The following RNF213 variants were observed in gnomAD, a reference collection of about 807,000 sequenced individuals.
RNF213 encodes ring finger protein 213, also known as E3 ubiquitin-protein ligase RNF213.
RNF213 carries 341 observed loss-of-function variants against 514.4 expected under a neutral mutation model. The ratio of observed to expected loss-of-function variants is 0.66; its 90% CI spans 0.61 to 0.73. RNF213 has a LOEUF of 0.73. RNF213 is among the 30% of genes least tolerant of loss of function. The probability of loss-of-function intolerance (pLI) is 0.00; values close to 1 mark genes in which losing one functional copy is unlikely to be tolerated. For missense variants in RNF213, 5,767 were observed against 6,615.6 expected, an observed-to-expected ratio of 0.87 and a Z score of 4.45; for synonymous variants, 2,655 against 2,658.2, an observed-to-expected ratio of 1.00 and a Z score of 0.04.
In RNF213 at chr17:80,287,931, G is replaced by A. The variant is rs17853714; in HGVS notation, c.378G>A (p.Pro126=). Reference sequence around the variant, plus strand: ...GTCACCTGACTTTGCTTTCAAACCCGTGGCCTCAGGACACAGCCCTGCCCC... The same window carrying A: ...GTCACCTGACTTTGCTTTCAAACCCATGGCCTCAGGACACAGCCCTGCCCC... ...SPCHLTLLSN[P]WPQDTALPHS... is the part of the protein sequence containing the mutation. Residue 126 remains proline, a synonymous_variant, in exon 4 of 68, where the codon CCG becomes CCA. Transcript: ENST00000582970. The A allele has an allele frequency of 0.18, 287,138 of 1,569,642 alleles. 27,566 individuals carry two copies. Among genetic ancestry groups the A allele is most frequent in the Non-Finnish European group, 0.2 (234,385 of 1,157,286 alleles).
At position 80,288,267 on chromosome 17, in the gene RNF213, C is replaced by T. The variant is rs1447153262; in HGVS notation, c.714C>T (p.Ala238=). ...GEGHSRTEDA[A]QELLLPESKG... ...GCCATTCTAGGACTGAAGATGCTGC[C>T]CAGGAGCTCCTGTTGCCTGAGTCAA... Residue 238 remains alanine (A), a synonymous_variant, in exon 4 of 68, where the codon GCC becomes GCT. Coordinates refer to ENST00000582970, the MANE Select transcript of RNF213 (RefSeq NM_001256071.3). The surrounding 1 kb of genome is among the most constrained non-coding windows in gnomAD (Gnocchi z 4.9). The T allele has an allele frequency of 7.4e-6, 12 of 1,613,266 alleles. No homozygotes were observed. In the East Asian group the frequency reaches 2.2e-4, roughly 30 times the overall value.
intron 3 of RNF213, chr17:80,278,735 C>T: frequency 1.3e-6 from 2 of 1,536,876 alleles, no homozygotes; most frequent in Non-Finnish European, 1.7e-6. Context: ...ACAGCCCTGC[C>T]CTGTCTGAAG....
At chr17:80,292,987 C>T (rs1266966625) in intron 8 of RNF213, among the ~76,000 whole-genome samples, 2 of 152,222 alleles carry the variant, frequency 1.3e-5, no homozygotes, top group Admixed American at 1.3e-4. Context: ...GTCCCTGTCA[C>T]TCCACCTTGG....
Position 80,353,378 on chromosome 17 carries a change from G to A in RNF213, c.10424-134G>A. ...CTTCATGACCGTGATCTCTCATCTG[G>A]GGACCTAGCACCACAGCAGGGGCCG... is the stretch of plus-strand genomic sequence containing the variant. On this transcript the variant is annotated intron_variant, in intron 33 of 67. Transcript: ENST00000582970. The surrounding 1 kb of genome is among the most constrained non-coding windows in gnomAD (Gnocchi z 5.0). The A allele has an allele frequency of 2.9e-6, 3 of 1,029,182 alleles. No homozygotes were observed. Among genetic ancestry groups the A allele is most frequent in the Non-Finnish European group, 4.4e-6 (3 of 679,926 alleles). The allele number at this position is 1,029,182 out of a possible 1,614,324, so 63.8% of individuals were successfully genotyped here.
chr17:80,332,128 A>C lies in RNF213; in HGVS notation c.3640A>C (p.Ser1214Arg). The C allele has an allele frequency of 6.5e-7, 1 of 1,537,170 alleles. No homozygotes were observed. The highest frequency in any genetic ancestry group is 8.7e-7 in the Non-Finnish European group (1 of 1,146,910). The change falls in exon 21 of 68, where the codon AGC becomes CGC. Residue 1214 changes from serine (S) to arginine (R), a missense_variant. By Grantham distance (110) the Ser-to-Arg change is moderately radical (BLOSUM62 -1). Around this residue, in one of 13 missense-constraint regions of RNF213, gnomAD observed 516 missense variants for 566.5 expected, o/e 0.91. Coordinates refer to ENST00000582970, the MANE Select transcript of RNF213 (RefSeq NM_001256071.3). ...GCAGAGGGCAACGCATTACCACCTG[A>C]GCTCCCAGGTCCAAGAAATGGCTGG... ...NSQRATHYHL[S>R]SQVQEMAGKI... is the part of the protein sequence containing the mutation.
chr17:80,367,792 G>A lies in RNF213; in HGVS notation c.11916G>A (p.Glu3972=), dbSNP rs1165140365. 6.2e-7 allele frequency: 1 copy of A among 1,614,238 alleles called. No homozygotes were observed. Among genetic ancestry groups the A allele is most frequent in the Non-Finnish European group, 8.5e-7 (1 of 1,180,034 alleles). The change falls in exon 43 of 68, where the codon GAG becomes GAA. Residue 3972 remains glutamate, a synonymous_variant. Transcript: ENST00000582970. ...NSDVKTHGPF[E]AVMRTLCECK... ...ACGTGAAGACGCACGGGCCTTTTGA[G>A]GCCGTGATGCGCACTCTCTGTGAAT...
chr17:80,352,872 C>T, intron 32 of RNF213, 68 bp from the exon 33 acceptor site: 2 of 1,610,638 alleles, frequency 1.2e-6, no homozygotes, highest in East Asian at 2.2e-5. Context: ...GTGCAATGTC[C>T]CTGCTTAGGG....
chr17:80,372,963 T>C lies in RNF213; in HGVS notation c.12752-12T>C, dbSNP rs1450344138. On this transcript the variant is annotated splice_polypyrimidine_tract_variant and intron_variant, in intron 48 of 67. Coordinates refer to ENST00000582970, the MANE Select transcript of RNF213 (RefSeq NM_001256071.3). ...CACCAGCCACTCACCCGCTTTCTCG[T>C]TGGCCTCTCAGAGATGGCCAAGGAG... The C allele has an allele frequency of 1.9e-6, 3 of 1,612,554 alleles. No homozygotes were observed. Among genetic ancestry groups the C allele is most frequent in the East Asian group, 2.2e-5 (1 of 44,816 alleles).
At chr17:80,281,601 C>T (rs1167377191) in intron 3 of RNF213, among the ~76,000 whole-genome samples, 1 of 139,418 alleles carries the variant, frequency 7.2e-6, no homozygotes, top group South Asian at 2.4e-4. Context: ...CCAACACACA[C>T]AGCCAACTCA....
At chr17:80,368,872 G>A (rs2079390250) in intron 44 of RNF213, among the ~76,000 whole-genome samples, 1 of 152,216 alleles carries the variant, frequency 6.6e-6, no homozygotes, top group South Asian at 2.1e-4. Context: ...GGCTCTGTGA[G>A]TGGTTGGTTT....
chr17:80,394,262 T>C lies in RNF213; in HGVS notation c.*764T>C, dbSNP rs575861755. Reference sequence around the variant, plus strand: ...GACATTTTGAAATTGTGAGAGAAACTAGATGACTGTAAACTTGGTCACAGG... The same window carrying C: ...GACATTTTGAAATTGTGAGAGAAACCAGATGACTGTAAACTTGGTCACAGG... On this transcript the variant is annotated 3_prime_UTR_variant, in exon 68 of 68. Transcript: ENST00000582970. The C allele has an allele frequency of 3.3e-5, 5 of 152,414 alleles. No homozygotes were observed. In the South Asian group the frequency reaches 1.0e-3, roughly 32 times the overall value. 9.4% of individuals were successfully genotyped at this position (152,414 alleles called of 1,614,324 possible). A position where few individuals can be genotyped will look rare whatever the true frequency, so the allele number is the denominator to read the frequency against.
chr17:80,281,322 C>A (rs2044261947), intron 3 of RNF213, among the ~76,000 whole-genome samples: 1 of 80,838 alleles, frequency 1.2e-5, no homozygotes, highest in East Asian at 4.7e-4. Flanking sequence ...CCCACTCACA[C>A]CACTCACACA....
At position 80,294,983 on chromosome 17, in the gene RNF213, T is replaced by C. The variant is rs768361501; in HGVS notation, c.1735T>C (p.Leu579=). 1.9e-6 allele frequency: 3 copies of C among 1,614,030 alleles called. No individual in the cohort carries two copies. The highest frequency in any genetic ancestry group is 2.5e-6 in the Non-Finnish European group (3 of 1,180,034). ...YEGQAQLWTD[L]QYREKEVKRY... ...AGGACAGGCACAGCTGTGGACCGATTTGCAGTACAGGGAGAAAGAGGTATC... is the reference window on the plus strand; with the variant it reads ...AGGACAGGCACAGCTGTGGACCGATCTGCAGTACAGGGAGAAAGAGGTATC... Residue 579 remains leucine, a synonymous_variant, in exon 9 of 68, where the codon TTG becomes CTG. Coordinates refer to ENST00000582970, the MANE Select transcript of RNF213 (RefSeq NM_001256071.3).
rs146195097 is a variant in RNF213, at chr17:80,335,000, C to G, written c.4309+730C>G. Among the ~76,000 whole-genome samples, 681 of 151,570 alleles carry G rather than the reference C, an allele frequency of 4.5e-3. 5 individuals are homozygous for G. Among genetic ancestry groups the G allele is most frequent in the African/African-American group, 0.016 (650 of 41,266 alleles). The stretch of plus-strand genomic sequence containing the variant: ...GCAGTGGTGCAATCTCGGCTCACTG[C>G]AACCTCCACCTCCTGGATTCAAGCG... On this transcript the variant is annotated intron_variant, in intron 22 of 67. Coordinates refer to ENST00000582970, the MANE Select transcript of RNF213 (RefSeq NM_001256071.3).
intron 44 of RNF213, among the ~76,000 whole-genome samples, chr17:80,368,453 G>C (rs1261439172): frequency 6.9e-5 from 9 of 130,700 alleles, no homozygotes; most frequent in African/African-American, 2.6e-4. Flanking sequence ...TTTTTTTTGA[G>C]ACAGTGTTTC....
At chr17:80,325,340 A>G in intron 18 of RNF213, 142 bp downstream of exon 18, 1 of 819,616 alleles carries the variant, frequency 1.2e-6, no homozygotes, top group South Asian at 2.0e-5. Flanking sequence ...GTTTGGACAG[A>G]GAGACCCTGG....
intron 67 of RNF213, among the ~76,000 whole-genome samples, chr17:80,391,776 T>C (rs376492489): frequency 0.13 from 17,013 of 135,764 alleles, 1,111 homozygotes; most frequent in African/African-American, 0.25. Context: ...TTTTTTTTTT[T>C]TTTTTTTTTT....
chr17:80,336,207 G>A lies in RNF213; in HGVS notation c.4356G>A (p.Ala1452=), dbSNP rs1457553716. The change falls in exon 23 of 68, where the codon GCG becomes GCA. Residue 1452 remains alanine, a synonymous_variant. Coordinates refer to ENST00000582970, the MANE Select transcript of RNF213 (RefSeq NM_001256071.3). ...TTGTGGACCTGGCCTCCATCTCAGC[G>A]GGGGAGAATGACATTGATGTGGACC... ...KVFVDLASIS[A]GENDIDVDRV... is the part of the protein sequence containing the mutation. 1.1e-5 allele frequency: 17 copies of A among 1,537,120 alleles called. No homozygotes were observed. The East Asian group carries it at 1.7e-4, about 15-fold the overall frequency.
At chr17:80,265,381 A>G (rs1431160428) in intron 2 of RNF213, among the ~76,000 whole-genome samples, 1 of 152,212 alleles carries the variant, frequency 6.6e-6, no homozygotes, top group African/African-American at 2.4e-5. Flanking sequence ...TAGTGCGGAG[A>G]GCACTGGTAG....
Sources: gnomAD v4.1 joint callset for allele counts (sites outside exome capture counted in the v4.1 genomes callset) on GRCh38, gnomAD v4.1.1 for gene constraint, gnomAD v4.1.1 regional missense constraint, Gnocchi (gnomAD v3.1) non-coding constraint, MANE v1.5 for transcripts, NCBI Gene and HGNC (gene_info 2026-07-23, HGNC 2026-07-21) for gene names.